Variants in IRAK2 observed in about 807,000 individuals in gnomAD.
The protein encoded by IRAK2 is interleukin 1 receptor associated kinase 2.
A neutral mutation model predicts 72.0 loss-of-function variants in IRAK2; 57 were observed. The ratio of observed to expected loss-of-function variants is 0.79; its 90% CI spans 0.64 to 0.99. The LOEUF is 0.99. IRAK2 is among the 50% of genes least tolerant of loss of function. The pLI, the probability that IRAK2 is intolerant of heterozygous loss-of-function variation, is 0.00. For missense variants in IRAK2, 790 were observed against 794.4 expected, an observed-to-expected ratio of 0.99 and a Z score of 0.07; for synonymous variants, 293 against 312.7, an observed-to-expected ratio of 0.94 and a Z score of 0.67.
In IRAK2 at chr3:10,241,838, T is replaced by G. The variant is rs552631401; in HGVS notation, c.1766-278T>G. Among the ~76,000 whole-genome samples, 183 of 144,902 alleles carry G rather than the reference T, an allele frequency of 1.3e-3. 2 individuals carry two copies. The highest frequency in any genetic ancestry group is 1.8e-3 in the Non-Finnish European group (118 of 66,616). On this transcript the variant is annotated intron_variant, in intron 12 of 12. Transcript: ENST00000256458. ...AAAAAAAAAAAAAAGCCAGGTGTGG[T>G]TGTGCACGCCTGTAGTCCCTGCTAC...
intron 1 of IRAK2, among the ~76,000 whole-genome samples, chr3:10,167,518 C>T (rs1456583427): frequency 1.3e-5 from 2 of 151,942 alleles, no homozygotes; most frequent in Non-Finnish European, 2.9e-5. Flanking sequence ...GGGTTCATGC[C>T]ATTCTCCTGC....
intron 1 of IRAK2, among the ~76,000 whole-genome samples, chr3:10,168,721 C>T (rs1358872947): frequency 6.6e-6 from 1 of 152,174 alleles, no homozygotes. Flanking sequence ...TTGACTCTGA[C>T]ACATCTGCCC....
intron 11 of IRAK2, among the ~76,000 whole-genome samples, chr3:10,236,341 G>GTTTTTTT (rs1338122281): frequency 1.6e-5 from 2 of 125,264 alleles, no homozygotes; most frequent in African/African-American, 6.2e-5. Context: ...GAGCCACTAA[G>GTTTTTTT]GTTTTTTTTT....
chr3:10,231,547 C>T (rs1161940890), intron 10 of IRAK2, among the ~76,000 whole-genome samples: 1 of 152,148 alleles, frequency 6.6e-6, no homozygotes, highest in Non-Finnish European at 1.5e-5. Context: ...CCTGCCTTGG[C>T]CTCCCAAAGT....
chr3:10,223,214 C>T (rs973718037), intron 9 of IRAK2, among the ~76,000 whole-genome samples: 9 of 152,096 alleles, frequency 5.9e-5, no homozygotes, highest in Non-Finnish European at 1.2e-4. Flanking sequence ...TTCCGTAATT[C>T]CCATCCAGCC....
At chr3:10,237,225 CAT>C (rs1697974455) in intron 11 of IRAK2, among the ~76,000 whole-genome samples, 1 of 152,208 alleles carries the variant, frequency 6.6e-6, no homozygotes. Flanking sequence ...CAAGAAGTAA[CAT>C]GTGACCTGGG....
chr3:10,183,063 C>T (rs183554142), intron 2 of IRAK2, among the ~76,000 whole-genome samples: 7 of 152,296 alleles, frequency 4.6e-5, no homozygotes, highest in South Asian at 2.1e-4. Context: ...TGAGCCACCG[C>T]GCCTGGCTGG....
chr3:10,209,339 C>G (rs142286499), intron 3 of IRAK2, among the ~76,000 whole-genome samples: 36 of 152,322 alleles, frequency 2.4e-4, no homozygotes, highest in African/African-American at 6.3e-4. Flanking sequence ...CTGCGTCTAC[C>G]TCCGGTGTCT....
chr3:10,188,571 G>A (rs1227708808), intron 2 of IRAK2, among the ~76,000 whole-genome samples: 1 of 152,110 alleles, frequency 6.6e-6, no homozygotes, highest in African/African-American at 2.4e-5. Flanking sequence ...TTGTTGCCCA[G>A]GCTGGAGTGC....
chr3:10,222,366 T>C (rs1432228082), intron 8 of IRAK2, among the ~76,000 whole-genome samples: 1 of 152,100 alleles, frequency 6.6e-6, no homozygotes, highest in Non-Finnish European at 1.5e-5. Flanking sequence ...AGGGTTGGCA[T>C]CTGTGGGGAT....
chr3:10,172,477 G>T lies in IRAK2; in HGVS notation c.95-5361G>T, dbSNP rs552366687. Among the ~76,000 whole-genome samples, 123 of 146,666 alleles carry T rather than the reference G, an allele frequency of 8.4e-4. 1 individual carries two copies. The highest frequency in any genetic ancestry group is 2.9e-3 in the African/African-American group (116 of 39,930). On this transcript the variant is annotated intron_variant, in intron 1 of 12. Coordinates refer to ENST00000256458, the MANE Select transcript of IRAK2 (RefSeq NM_001570.4). ...TGCTTGAACCTGGGAGGTGGAGGTT[G>T]CAGTGAGCTGACATGTGCCATTGCA...
rs555286249 is a variant in IRAK2, at chr3:10,186,146, G to T, written c.277+8126G>T. ...GATTTCTGGGAAGTGGAGCTTCCAC[G>T]TTCATTATTCTCTGTGGCCTTATCT... On this transcript the variant is annotated intron_variant, in intron 2 of 12. Transcript: ENST00000256458. Among the ~76,000 whole-genome samples the T allele has an allele frequency of 3.3e-5, 5 of 151,782 alleles. No homozygotes were observed. In the East Asian group the frequency reaches 9.6e-4, roughly 29 times the overall value.
chr3:10,177,422 C>A (rs988818374), intron 1 of IRAK2, among the ~76,000 whole-genome samples: 3 of 152,208 alleles, frequency 2.0e-5, no homozygotes, highest in Non-Finnish European at 4.4e-5. Flanking sequence ...CACCTCCACT[C>A]TGAACCAGGC....
intron 2 of IRAK2, among the ~76,000 whole-genome samples, chr3:10,184,885 A>G (rs900784986): frequency 9.0e-5 from 13 of 144,552 alleles, no homozygotes; most frequent in South Asian, 2.1e-4. Context: ...GCCCGCCACC[A>G]TGCCCGGCTA....
intron 12 of IRAK2, among the ~76,000 whole-genome samples, chr3:10,239,592 T>C (rs1698020958): frequency 6.6e-6 from 1 of 152,094 alleles, no homozygotes; most frequent in South Asian, 2.1e-4. Context: ...CTGGGCATGG[T>C]GGCGCGTGCC....
rs763314670 is a variant in IRAK2 at position 10,168,948 on chromosome 3, G to A, written c.94+3900G>A. 7.2e-5 allele frequency among the ~76,000 whole-genome samples: 11 copies of A among 152,168 alleles called. No individual in the cohort carries two copies. The East Asian group carries it at 9.6e-4, about 13-fold the overall frequency. On this transcript the variant is annotated intron_variant, in intron 1 of 12. Coordinates refer to ENST00000256458, the MANE Select transcript of IRAK2 (RefSeq NM_001570.4). ...ACTACAATATCAGGGGAACCAGCCC[G>A]CAGTATTTCAATGTAGGTTCTTTTC...
intron 2 of IRAK2, among the ~76,000 whole-genome samples, chr3:10,188,551 A>G (rs1432879932): frequency 1.4e-5 from 2 of 147,578 alleles, no homozygotes; most frequent in Admixed American, 1.4e-4. Flanking sequence ...TTTGAAATGG[A>G]GTTTCGCTCT....
rs546908806 is a variant in IRAK2 at position 10,188,550 on chromosome 3, G to A, written c.277+10530G>A. On this transcript the variant is annotated intron_variant, in intron 2 of 12. Transcript: ENST00000256458. ...TATGTATTTATTTATTTTTGAAATG[G>A]AGTTTCGCTCTTGTTGCCCAGGCTG... Among the ~76,000 whole-genome samples, 8 of 151,730 alleles carry A rather than the reference G, an allele frequency of 5.3e-5. No homozygotes were observed. The South Asian group carries it at 1.7e-3, about 32-fold the overall frequency.
At chr3:10,182,729 AT>A (rs1173082378) in intron 2 of IRAK2, among the ~76,000 whole-genome samples, 8 of 149,876 alleles carry the variant, frequency 5.3e-5, no homozygotes, top group Non-Finnish European at 8.9e-5. Context: ...TTTAATTTTA[AT>A]TTTTTGTTAT....
Sources: gnomAD v4.1 joint callset for allele counts (sites outside exome capture counted in the v4.1 genomes callset) on GRCh38, gnomAD v4.1.1 for gene constraint, MANE v1.5 for transcripts, NCBI Gene and HGNC (gene_info 2026-07-23, HGNC 2026-07-21) for gene names.